The following SLC4A4 variants were observed in gnomAD, a reference collection of about 807,000 sequenced individuals.
The protein encoded by SLC4A4 is electrogenic sodium bicarbonate cotransporter 1.
A neutral mutation model predicts 111.5 loss-of-function variants in SLC4A4; 27 were observed. The observed-to-expected ratio is 0.24, with a 90% CI of 0.18 to 0.33. The LOEUF (loss-of-function observed/expected upper bound fraction) is 0.33. Ranked by LOEUF, SLC4A4 falls within the 10% of genes least tolerant of loss-of-function variation. The pLI is 1.00. For synonymous variants in SLC4A4, 443 were observed against 463.4 expected, an observed-to-expected ratio of 0.96 and a Z score of 0.57; for missense variants, 909 against 1,315.5, an observed-to-expected ratio of 0.69 and a Z score of 4.78.
intron 14 of SLC4A4, among the ~76,000 whole-genome samples, chr4:71,474,970 G>GA (rs1728225462): frequency 6.6e-6 from 1 of 151,676 alleles, no homozygotes; most frequent in African/African-American, 2.4e-5. Flanking sequence ...GGAAAGAAGG[G>GA]GGATAAAACT....
At chr4:71,455,115 G>T (rs540795777) in intron 12 of SLC4A4, among the ~76,000 whole-genome samples, 15 of 152,178 alleles carry the variant, frequency 9.9e-5, no homozygotes, top group Non-Finnish European at 1.5e-4. Context: ...AAATGTGTAC[G>T]CAGTATTGCT....
chr4:71,512,059 A>C (rs1180335822), intron 16 of SLC4A4, among the ~76,000 whole-genome samples: 1 of 152,088 alleles, frequency 6.6e-6, no homozygotes, highest in African/African-American at 2.4e-5. Flanking sequence ...TGCTATTGTG[A>C]ATGGTGCTGC....
At chr4:71,543,067 C>G (rs761117890) in intron 18 of SLC4A4, among the ~76,000 whole-genome samples, 5 of 152,002 alleles carry the variant, frequency 3.3e-5, no homozygotes, top group Non-Finnish European at 7.4e-5. Context: ...GCAAATGTGG[C>G]TGATGTTGTG....
intron 1 of SLC4A4, among the ~76,000 whole-genome samples, chr4:71,210,122 A>G (rs986632827): frequency 6.6e-6 from 1 of 152,196 alleles, no homozygotes; most frequent in Non-Finnish European, 1.5e-5. Context: ...GTGGACACCA[A>G]TGGGGTGCCC....
Position 71,451,238 on chromosome 4 carries a change from C to G in SLC4A4, c.1259C>G (p.Pro420Arg). 1 of 1,613,426 alleles carries G rather than the reference C, an allele frequency of 6.2e-7. No individual in the cohort carries two copies. The highest frequency in any genetic ancestry group is 1.1e-5 in the South Asian group (1 of 91,052). ...AATGTTCAGATGAATGGGGATACGC[C>G]CCATGATGGAGGTCACGGAGGAGGA... ...GENVQMNGDT[P>R]HDGGHGGGGH... The change falls in exon 11 of 26, where the codon CCC (proline) becomes CGC (arginine). Residue 420 changes from proline (P) to arginine (R), a missense_variant. Physicochemically the swap from Pro to Arg is moderately radical, Grantham distance 103. Around this residue, in one of 7 missense-constraint regions of SLC4A4, gnomAD observed 312 missense variants for 402.0 expected, o/e 0.78. Coordinates refer to ENST00000264485, the MANE Select transcript of SLC4A4 (RefSeq NM_001098484.3).
Position 71,474,199 on chromosome 4 carries a change from G to A in SLC4A4, c.1903+1229G>A, listed in dbSNP as rs907198154. On this transcript the variant is annotated intron_variant, in intron 14 of 25. Coordinates refer to ENST00000264485, the MANE Select transcript of SLC4A4 (RefSeq NM_001098484.3). ...AGTAGCACTAGTGATTCTAGGTTACGCAATTAGATACAGGTCTATGTCCCT... is the reference window on the plus strand; with the variant it reads ...AGTAGCACTAGTGATTCTAGGTTACACAATTAGATACAGGTCTATGTCCCT... Among the ~76,000 whole-genome samples, 22 of 151,074 alleles carry A rather than the reference G, an allele frequency of 1.5e-4. 1 individual carries two copies. The East Asian group carries it at 3.1e-3, about 22-fold the overall frequency.
chr4:71,110,255 CCCATGCTGGAGTGCA>C (rs1743051658), intron 2 of SLC4A4, among the ~76,000 whole-genome samples: 1 of 152,124 alleles, frequency 6.6e-6, no homozygotes, highest in South Asian at 2.1e-4. Context: ...CACTCTGCTG[CCCATGCTGGAGTGCA>C]GTGGTATGAT....
Position 71,229,638 on chromosome 4 carries a change from C to T in SLC4A4, c.-1-6938C>T, listed in dbSNP as rs547249211. Among the ~76,000 whole-genome samples, 513 of 152,178 alleles carry T rather than the reference C, an allele frequency of 3.4e-3. 1 individual carries two copies. Among genetic ancestry groups the T allele is most frequent in the Non-Finnish European group, 5.5e-3 (374 of 68,016 alleles). On this transcript the variant is annotated intron_variant, in intron 1 of 25. Transcript: ENST00000264485. ...GAGATTTGCTTCGCTTTGTTGCTGG[C>T]TGATCTCCGGGAGTCATCACTGCTA...
intron 1 of SLC4A4, among the ~76,000 whole-genome samples, chr4:71,234,109 T>G (rs1465606496): frequency 1.3e-5 from 2 of 152,206 alleles, no homozygotes; most frequent in African/African-American, 4.8e-5. Flanking sequence ...CAGTACTGAT[T>G]CCTTCCTGTC....
chr4:71,195,464 A>G (rs1745953408), intron 1 of SLC4A4, among the ~76,000 whole-genome samples: 1 of 152,178 alleles, frequency 6.6e-6, no homozygotes, highest in Admixed American at 6.5e-5. Context: ...AAATGGAATC[A>G]TCTGGTATAG....
chr4:71,493,730 A>T (rs1730148155), intron 15 of SLC4A4, among the ~76,000 whole-genome samples: 1 of 118,960 alleles, frequency 8.4e-6, no homozygotes, highest in South Asian at 2.5e-4. Context: ...ATTTCCCATC[A>T]ATCTCTTTTC....
At chr4:71,270,282 G>T (rs1327208983) in intron 3 of SLC4A4, among the ~76,000 whole-genome samples, 2 of 152,104 alleles carry the variant, frequency 1.3e-5, no homozygotes, top group African/African-American at 4.8e-5. Flanking sequence ...TAGGGGCGGG[G>T]TTTCACCATG....
chr4:71,535,892 G>C (rs1238989016), intron 18 of SLC4A4, among the ~76,000 whole-genome samples: 1 of 152,048 alleles, frequency 6.6e-6, no homozygotes, highest in African/African-American at 2.4e-5. Context: ...AAACTAGACT[G>C]TCACTAAAGA....
chr4:71,065,148 T>C (rs568701979), intron 1 of SLC4A4, among the ~76,000 whole-genome samples: 1 of 152,332 alleles, frequency 6.6e-6, no homozygotes, highest in South Asian at 2.1e-4. Context: ...AGGAAAATAC[T>C]CCCAAGCTAC....
intron 7 of SLC4A4, among the ~76,000 whole-genome samples, chr4:71,424,322 G>A (rs78054813): frequency 0.17 from 25,720 of 151,072 alleles, 2,443 homozygotes; most frequent in South Asian, 0.3. Context: ...AATGGCAATC[G>A]TTAAAAAGTC....
At chr4:71,533,594 G>GT (rs150994245) in intron 17 of SLC4A4, among the ~76,000 whole-genome samples, 20,381 of 150,752 alleles carry the variant, frequency 0.14, 1,723 homozygotes, top group Admixed American at 0.25. Flanking sequence ...GTTTTTTCCA[G>GT]TTTTTTTTTG....
chr4:71,122,281 C>A (rs1165288490), intron 2 of SLC4A4, among the ~76,000 whole-genome samples: 1 of 146,598 alleles, frequency 6.8e-6, no homozygotes, highest in Non-Finnish European at 1.5e-5. Flanking sequence ...CCACTGCACT[C>A]CAGCCTGGAA....
chr4:71,514,823 A>C (rs1286740332), intron 16 of SLC4A4, among the ~76,000 whole-genome samples: 1 of 152,018 alleles, frequency 6.6e-6, no homozygotes, highest in Non-Finnish European at 1.5e-5. Context: ...TTTTTGTTGT[A>C]TGAGTTGTAA....
At chr4:71,471,646 AAT>A (rs1727880309) in intron 13 of SLC4A4, among the ~76,000 whole-genome samples, 1 of 152,006 alleles carries the variant, frequency 6.6e-6, no homozygotes, top group Non-Finnish European at 1.5e-5. Context: ...GTCACAAATA[AAT>A]AGAGTTTAAA....
Sources: gnomAD v4.1 joint callset for allele counts (sites outside exome capture counted in the v4.1 genomes callset) on GRCh38, gnomAD v4.1.1 for gene constraint, gnomAD v4.1.1 regional missense constraint, MANE v1.5 for transcripts, NCBI Gene and HGNC (gene_info 2026-07-23, HGNC 2026-07-21) for gene names.